The following RNF128 variants were observed in gnomAD, a reference collection of about 807,000 sequenced individuals.
The protein encoded by RNF128 is E3 ubiquitin-protein ligase RNF128.
Under a neutral mutation model 26.2 loss-of-function variants are expected in RNF128, and 13 were observed. The ratio of observed to expected loss-of-function variants is 0.50; its 90% CI spans 0.32 to 0.79. RNF128 has a LOEUF of 0.79. Among genes scored for constraint, RNF128 ranks in the 30% least tolerant of loss-of-function variants. The pLI is 0.03. For synonymous variants in RNF128, 149 were observed against 142.5 expected, an observed-to-expected ratio of 1.05 and a Z score of -0.32; for missense variants, 315 against 349.7, an observed-to-expected ratio of 0.90 and a Z score of 0.79.
At chrX:106,694,655 C>T (rs764149551) in intron 1 of RNF128, among the ~76,000 whole-genome samples, 3 of 111,134 alleles carry the variant, frequency 2.7e-5, no homozygotes, top group African/African-American at 9.8e-5. Context: ...TATAAGTTTC[C>T]TCAGTGGGCA....
chrX:106,719,915 T>A (rs1250024098), intron 1 of RNF128, among the ~76,000 whole-genome samples: 1 of 109,117 alleles, frequency 9.2e-6, no homozygotes, highest in Non-Finnish European at 1.9e-5. Flanking sequence ...AAATACGTGG[T>A]CATATTTGCA....
At chrX:106,721,586 T>A (rs1035650426) in intron 1 of RNF128, among the ~76,000 whole-genome samples, 1 of 111,847 alleles carries the variant, frequency 8.9e-6, no homozygotes, top group Non-Finnish European at 1.9e-5. Context: ...TGTGGTAGGA[T>A]TTGAAGAATT....
At chrX:106,699,602 A>G (rs1253822990) in intron 1 of RNF128, among the ~76,000 whole-genome samples, 1 of 112,151 alleles carries the variant, frequency 8.9e-6, no homozygotes, top group African/African-American at 3.2e-5. Context: ...ATCAAAACAT[A>G]TAGGTCGATC....
chrX:106,760,814 A>G (rs750562960), intron 1 of RNF128, among the ~76,000 whole-genome samples: 4 of 112,053 alleles, frequency 3.6e-5, no homozygotes, highest in Non-Finnish European at 5.6e-5. Flanking sequence ...TCAGCATTTA[A>G]AAAGCAGCAA....
intron 1 of RNF128, among the ~76,000 whole-genome samples, chrX:106,721,666 T>C (rs1929314697): frequency 8.9e-6 from 1 of 112,144 alleles, no homozygotes; most frequent in Non-Finnish European, 1.9e-5. Context: ...GTGCCTGAAA[T>C]GCATACAAGA....
At chrX:106,728,526 C>T (rs1929448740) in intron 1 of RNF128, among the ~76,000 whole-genome samples, 1 of 112,155 alleles carries the variant, frequency 8.9e-6, no homozygotes, top group South Asian at 3.7e-4. Flanking sequence ...TAAGGGTTAG[C>T]TGATAGGATT....
intron 1 of RNF128, among the ~76,000 whole-genome samples, chrX:106,707,822 A>G (rs1170009263): frequency 9.0e-6 from 1 of 111,285 alleles, no homozygotes; most frequent in African/African-American, 3.3e-5. Flanking sequence ...AAAAACACCA[A>G]CTGAAAAGTA....
chrX:106,699,783 G>A (rs991427701), intron 1 of RNF128, among the ~76,000 whole-genome samples: 15 of 110,945 alleles, frequency 1.4e-4, no homozygotes, highest in African/African-American at 4.9e-4. Context: ...TCTGATCTTC[G>A]GACATTTTCT....
rs1929252172 is a variant in RNF128, at chrX:106,718,319, TCC to T, written c.406+23915_406+23916del. ...AGGGTTTCAATTTCTGCCCTCTTTT[TCC>T]CCCTCTCGAAAATCAAACATTGCTG... On this transcript the variant is annotated intron_variant, in intron 1 of 6. Coordinates refer to the RNF128 transcript ENST00000324342. Among the ~76,000 whole-genome samples the T allele has an allele frequency of 6.3e-5, 7 of 111,487 alleles. No homozygotes were observed. The South Asian group carries it at 2.7e-3, about 43-fold the overall frequency.
intron 4 of RNF128, among the ~76,000 whole-genome samples, chrX:106,788,383 T>C (rs1381206982): frequency 2.1e-5 from 1 of 47,003 alleles, no homozygotes; most frequent in Non-Finnish European, 3.3e-5. Flanking sequence ...TTATATATTA[T>C]ATATAATATA....
At chrX:106,723,145 A>G (rs779881123), upstream of RNF128, among the ~76,000 whole-genome samples, 9 of 112,443 alleles carry the variant, frequency 8.0e-5, no homozygotes, top group South Asian at 3.7e-4. Flanking sequence ...CTGTATAAGA[A>G]AAGTAGGAAA....
intron 1 of RNF128, among the ~76,000 whole-genome samples, chrX:106,758,910 G>A (rs1930072127): frequency 9.0e-6 from 1 of 111,310 alleles, no homozygotes; most frequent in South Asian, 3.7e-4. Context: ...ACAAGTACAG[G>A]TAACCAAAGC....
rs1929761499 is a variant in RNF128 at position 106,744,541 on chromosome X, C to T, written c.484+17144C>T. Among the ~76,000 whole-genome samples the T allele has an allele frequency of 3.6e-5, 4 of 111,154 alleles. No homozygotes were observed. In the South Asian group the frequency reaches 1.5e-3, roughly 43 times the overall value. On this transcript the variant is annotated intron_variant, in intron 1 of 6. Coordinates refer to ENST00000255499, the MANE Select transcript of RNF128 (RefSeq NM_194463.2). ...CCAGGCTGGAGTGCAGCCACTGCAA[C>T]CTCTGCCTCCCAGGTTCAAGTGATT...
chrX:106,709,568 T>C (rs1004231054), intron 1 of RNF128, among the ~76,000 whole-genome samples: 1 of 110,739 alleles, frequency 9.0e-6, no homozygotes, highest in Non-Finnish European at 1.9e-5. Context: ...TTTTTTTAGA[T>C]GGAGTTTCGC....
upstream of RNF128, chrX:106,726,580 C>T: frequency 1.3e-6 from 1 of 756,839 alleles, no homozygotes; most frequent in Non-Finnish European, 1.6e-6. Context: ...AACATCGATC[C>T]ATCCTGTTAC....
At chrX:106,744,513 C>T (rs185913392) in intron 1 of RNF128, among the ~76,000 whole-genome samples, 277 of 111,242 alleles carry the variant, frequency 2.5e-3, no homozygotes, top group African/African-American at 8.9e-3. Context: ...CTCACTCTGT[C>T]ACCCAGGCTG....
chrX:106,760,777 T>A (rs1219661989), intron 1 of RNF128, among the ~76,000 whole-genome samples: 1 of 111,391 alleles, frequency 9.0e-6, no homozygotes, highest in Non-Finnish European at 1.9e-5. Flanking sequence ...ATAGAAAAAG[T>A]CACACGTGTA....
chrX:106,709,301 A>T (rs182539282), intron 1 of RNF128, among the ~76,000 whole-genome samples: 2 of 111,591 alleles, frequency 1.8e-5, no homozygotes, highest in East Asian at 5.6e-4. Flanking sequence ...TATCCTATTA[A>T]TACTTCTCTG....
chrX:106,747,020 A>G (rs1929804498), intron 1 of RNF128, among the ~76,000 whole-genome samples: 3 of 111,888 alleles, frequency 2.7e-5, no homozygotes, highest in African/African-American at 9.7e-5. Flanking sequence ...ACTACTCTTG[A>G]TGACTAAATT....
Sources: allele counts gnomAD v4.1 joint callset (sites outside exome capture counted in the v4.1 genomes callset), GRCh38; gene constraint gnomAD v4.1.1; transcripts MANE v1.5; gene names NCBI Gene and HGNC (gene_info 2026-07-23, HGNC 2026-07-21).